RPS6KA2: variants seen among roughly 807,000 people sequenced by gnomAD.
RPS6KA2 encodes ribosomal protein S6 kinase alpha-2.
RPS6KA2 carries 42 observed loss-of-function variants against 91.8 expected under a neutral mutation model. The ratio of observed to expected loss-of-function variants is 0.46; its 90% CI spans 0.36 to 0.59. The LOEUF (loss-of-function observed/expected upper bound fraction) is 0.59. Among genes scored for constraint, RPS6KA2 ranks in the 20% least tolerant of loss-of-function variants. The pLI, the probability that RPS6KA2 is intolerant of heterozygous loss-of-function variation, is 0.00. For missense variants in RPS6KA2, 798 were observed against 978.5 expected, an observed-to-expected ratio of 0.82 and a Z score of 2.46; for synonymous variants, 414 against 393.6, an observed-to-expected ratio of 1.05 and a Z score of -0.61.
Position 166,841,670 on chromosome 6 carries a change from C to G in RPS6KA2, c.123+16530G>C, listed in dbSNP as rs75670135. ...CTGCAGAGGCTGAGTCAGAAAGGAC[C>G]TAGTGATTGCACTTCACTGCTAAGG... On this transcript the variant is annotated intron_variant, in intron 2 of 21. Transcript: ENST00000503859. Among the ~76,000 whole-genome samples, 260 of 152,362 alleles carry G rather than the reference C, an allele frequency of 1.7e-3. 2 individuals are homozygous for G. In the East Asian group the frequency reaches 0.027, roughly 16 times the overall value.
chr6:166,637,838 C>A (rs184322460), intron 2 of RPS6KA2, among the ~76,000 whole-genome samples: 1 of 152,242 alleles, frequency 6.6e-6, no homozygotes, highest in African/African-American at 2.4e-5. Flanking sequence ...GTGTCTCAGC[C>A]GTGGGGGCCG....
intron 2 of RPS6KA2, among the ~76,000 whole-genome samples, chr6:166,814,410 C>T (rs1224007041): frequency 2.0e-5 from 3 of 152,214 alleles, no homozygotes; most frequent in South Asian, 2.1e-4. Context: ...CAAATACTTT[C>T]TTACGAATTA....
At chr6:166,617,587 A>ACCT (rs749805699) in intron 1 of RPS6KA2, among the ~76,000 whole-genome samples, 8 of 151,864 alleles carry the variant, frequency 5.3e-5, no homozygotes, top group Non-Finnish European at 8.8e-5. Flanking sequence ...GGTTTTAATG[A>ACCT]CCTCCTCCTC....
At position 166,418,241 on chromosome 6, in the gene RPS6KA2, A is replaced by G; in HGVS notation, c.1922T>C (p.Ile641Thr). Residue 641 changes from isoleucine (I) to threonine (T), a missense_variant, in exon 19 of 21, where the codon ATA becomes ACA. Ile to Thr is a moderately conservative substitution (Grantham distance 89). Transcript: ENST00000265678. The surrounding 1 kb of genome is among the most constrained non-coding windows in gnomAD (Gnocchi z 4.9). The part of the protein sequence containing the change: ...YALSGGNWDS[I>T]SDAAKDVVSK... ...TGTACTCACTTTAGCTGCGTCAGAT[A>G]TCGAGTCCCAGTTTCCCCCAGAAAG... The G allele has an allele frequency of 6.2e-7, 1 of 1,609,456 alleles. No homozygotes were observed. Among genetic ancestry groups the G allele is most frequent in the Non-Finnish European group, 8.5e-7 (1 of 1,175,894 alleles).
At position 166,737,901 on chromosome 6, in the gene RPS6KA2, A is replaced by C. The variant is rs1790712586; in HGVS notation, c.123+120299T>G. ...ACGAAGCTATTTCTCATTGTGAAAGAAATAAAACATACAGAAAAGTATACA... is the reference window on the plus strand; with the variant it reads ...ACGAAGCTATTTCTCATTGTGAAAGCAATAAAACATACAGAAAAGTATACA... On this transcript the variant is annotated intron_variant, in intron 2 of 21. Transcript: ENST00000503859. This position sits in a 1 kb window ranked among gnomAD's most constrained non-coding sequence, Gnocchi z 4.3. Among the ~76,000 whole-genome samples the C allele has an allele frequency of 6.6e-6, 1 of 152,258 alleles. No individual in the cohort carries two copies. Among genetic ancestry groups the C allele is most frequent in the Non-Finnish European group, 1.5e-5 (1 of 68,050 alleles).
At chr6:166,625,837 T>G (rs1057430273) in intron 1 of RPS6KA2, among the ~76,000 whole-genome samples, 2 of 152,238 alleles carry the variant, frequency 1.3e-5, no homozygotes, top group African/African-American at 4.8e-5. Flanking sequence ...CTTCCAATTC[T>G]GATTTAGGGA....
intron 1 of RPS6KA2, among the ~76,000 whole-genome samples, chr6:166,613,445 A>G (rs1156241683): frequency 6.6e-6 from 1 of 152,224 alleles, no homozygotes; most frequent in African/African-American, 2.4e-5. Flanking sequence ...TCCTGTACAG[A>G]GGAGAGCTCT....
At chr6:166,461,907 G>A (rs1747571220) in intron 11 of RPS6KA2, among the ~76,000 whole-genome samples, 1 of 152,124 alleles carries the variant, frequency 6.6e-6, no homozygotes, top group Admixed American at 6.5e-5. Context: ...AGAGCCTGGT[G>A]CCCAGTGCTT....
intron 3 of RPS6KA2, among the ~76,000 whole-genome samples, chr6:166,511,884 C>A (rs1425900401): frequency 1.1e-4 from 16 of 152,182 alleles, no homozygotes; most frequent in Non-Finnish European, 5.9e-5. Flanking sequence ...AGGAAAATAG[C>A]TTGGTAGTTC....
At chr6:166,760,253 A>G (rs1256758659) in intron 2 of RPS6KA2, among the ~76,000 whole-genome samples, 1 of 152,254 alleles carries the variant, frequency 6.6e-6, no homozygotes, top group Non-Finnish European at 1.5e-5. Context: ...ATTCTGGTGA[A>G]CAAATATTTC....
At chr6:166,479,296 AC>A (rs11332669) in intron 10 of RPS6KA2, among the ~76,000 whole-genome samples, 40,449 of 151,960 alleles carry the variant, frequency 0.27, 7,786 homozygotes, top group African/African-American at 0.55. Context: ...CCCATTATCC[AC>A]TCACACTTGC....
At chr6:166,474,632 A>G (rs1427834430) in intron 10 of RPS6KA2, among the ~76,000 whole-genome samples, 1 of 135,728 alleles carries the variant, frequency 7.4e-6, no homozygotes, top group East Asian at 2.7e-4. Flanking sequence ...AAGTCGGGAG[A>G]TAACAAATAA....
At position 166,662,578 on chromosome 6, in the gene RPS6KA2, A is replaced by G. The variant is rs1788191905; in HGVS notation, c.124-123794T>C. Among the ~76,000 whole-genome samples, 2 of 152,224 alleles carry G rather than the reference A, an allele frequency of 1.3e-5. No homozygotes were observed. The highest frequency in any genetic ancestry group is 2.9e-5 in the Non-Finnish European group (2 of 68,038). On this transcript the variant is annotated intron_variant, in intron 2 of 21. Transcript: ENST00000503859. This position sits in a 1 kb window ranked among gnomAD's most constrained non-coding sequence, Gnocchi z 4.3. ...AGTTAGTTTGCACCAGTTCCAGGAA[A>G]GAGATTCAATATGAAAATATGGACA...
chr6:166,831,019 C>T (rs1381928671), intron 2 of RPS6KA2, among the ~76,000 whole-genome samples: 2 of 152,156 alleles, frequency 1.3e-5, no homozygotes, highest in Non-Finnish European at 2.9e-5. Flanking sequence ...CTCCCTGGAC[C>T]CCTGACTCAC....
At chr6:166,504,729 G>C in intron 5 of RPS6KA2, 117 bp from the exon 6 acceptor site, 1 of 676,534 alleles carries the variant, frequency 1.5e-6, no homozygotes, top group South Asian at 1.9e-5. Context: ...AGTTTGCTCT[G>C]TGGAACGCTA....
chr6:166,487,141 T>C (rs1334295095), intron 10 of RPS6KA2, among the ~76,000 whole-genome samples: 1 of 152,258 alleles, frequency 6.6e-6, no homozygotes. Flanking sequence ...GAGAGATTTC[T>C]GGAAGTAACA....
intron 3 of RPS6KA2, among the ~76,000 whole-genome samples, chr6:166,519,349 A>G (rs1782768332): frequency 6.6e-6 from 1 of 152,226 alleles, no homozygotes; most frequent in African/African-American, 2.4e-5. Flanking sequence ...GATTGCTACT[A>G]TAGATGTGAA....
intron 2 of RPS6KA2, among the ~76,000 whole-genome samples, chr6:166,534,502 A>G (rs1484274689): frequency 2.0e-5 from 3 of 152,184 alleles, no homozygotes; most frequent in Non-Finnish European, 4.4e-5. Context: ...CCCCTAACCC[A>G]TAAGAAGTAC....
At chr6:166,654,966 AAAT>A (rs969088335) in intron 2 of RPS6KA2, among the ~76,000 whole-genome samples, 1 of 139,116 alleles carries the variant, frequency 7.2e-6, no homozygotes, top group African/African-American at 2.8e-5. Context: ...ATGTAAAAAA[AAAT>A]ATCAGGTGTC....
Sources: allele counts gnomAD v4.1 joint callset (sites outside exome capture counted in the v4.1 genomes callset), GRCh38; gene constraint gnomAD v4.1.1; non-coding constraint Gnocchi (gnomAD v3.1); transcripts MANE v1.5; gene names NCBI Gene and HGNC (gene_info 2026-07-23, HGNC 2026-07-21).